Variants in PARD3 observed in about 807,000 individuals in gnomAD.
PARD3 encodes par-3 family cell polarity regulator.
In PARD3, 75 loss-of-function variants were observed where a neutral mutation model predicts 155.4. That is an observed-to-expected ratio of 0.48 (90% CI 0.40 to 0.58). The LOEUF (loss-of-function observed/expected upper bound fraction) is 0.58. Ranked by LOEUF, PARD3 falls within the 20% of genes least tolerant of loss-of-function variation. The pLI is 0.00. For synonymous variants in PARD3, 576 were observed against 610.5 expected (o/e 0.94, Z 0.83); for missense variants, 1,642 against 1,721.7 (o/e 0.95, Z 0.82).
rs59033060 is a variant in PARD3 at position 34,391,304 on chromosome 10, A to G, written c.891-7050T>C. Among the ~76,000 whole-genome samples, 85 of 152,232 alleles carry G rather than the reference A, an allele frequency of 5.6e-4. 1 individual carries two copies. The East Asian group carries it at 0.015, about 28-fold the overall frequency. ...AGACACAGTGTACTCTCTGAGCCCA[A>G]TATACAGAGAAAGGAGGAAAAAAGC... On this transcript the variant is annotated intron_variant, in intron 7 of 24. Transcript: ENST00000374788.
intron 2 of PARD3, among the ~76,000 whole-genome samples, chr10:34,528,261 A>G (rs1564812185): frequency 6.6e-6 from 1 of 152,234 alleles, no homozygotes; most frequent in African/African-American, 2.4e-5. Flanking sequence ...AGAGTTTAAA[A>G]ATTTTAAGTT....
intron 14 of PARD3, among the ~76,000 whole-genome samples, chr10:34,352,393 CG>C (rs1357598720): frequency 2.6e-5 from 4 of 152,158 alleles, no homozygotes; most frequent in African/African-American, 9.7e-5. Context: ...CCTCTGATGC[CG>C]AGCCGAGGCT....
At chr10:34,519,820 A>AATAACGTAAC (rs2082017010) in intron 2 of PARD3, among the ~76,000 whole-genome samples, 1 of 133,852 alleles carries the variant, frequency 7.5e-6, no homozygotes, top group African/African-American at 2.8e-5. Context: ...TCTCAAAATA[A>AATAACGTAAC]ATAACATAAC....
intron 22 of PARD3, among the ~76,000 whole-genome samples, chr10:34,205,451 TA>T (rs1177076985): frequency 1.3e-5 from 2 of 152,200 alleles, no homozygotes; most frequent in Non-Finnish European, 2.9e-5. Context: ...GCAGTGTTTT[TA>T]AAAAATTATT....
intron 1 of PARD3, among the ~76,000 whole-genome samples, chr10:34,805,803 C>A (rs1420021666): frequency 6.6e-6 from 1 of 151,702 alleles, no homozygotes; most frequent in African/African-American, 2.4e-5. Flanking sequence ...GGTGAAACCC[C>A]ACCTCTACTA....
intron 12 of PARD3, among the ~76,000 whole-genome samples, chr10:34,370,431 T>G (rs1213280702): frequency 5.9e-5 from 9 of 152,014 alleles, no homozygotes; most frequent in Non-Finnish European, 1.0e-4. Context: ...GACTACATGT[T>G]TTTTATTGTT....
chr10:34,555,405 T>G, intron 2 of PARD3, among the ~76,000 whole-genome samples: 1 of 152,330 alleles, frequency 6.6e-6, no homozygotes, highest in South Asian at 2.1e-4. Flanking sequence ...GAAGTTTTTC[T>G]TCTGTTTTGG....
rs144376780 is a variant in PARD3, at chr10:34,751,130, G to C, written c.121-54711C>G. Among the ~76,000 whole-genome samples the C allele has an allele frequency of 2.4e-3, 370 of 152,232 alleles. 2 individuals carry two copies. Among genetic ancestry groups the C allele is most frequent in the African/African-American group, 8.6e-3 (357 of 41,550 alleles). ...CACACTGTTGATGTGTCTCAGGGAA[G>C]CTGCTTATCTCCCATTAAGTCCATC... On this transcript the variant is annotated intron_variant, in intron 1 of 24. Coordinates refer to ENST00000374788, the MANE Select transcript of PARD3 (RefSeq NM_001184785.2).
intron 5 of PARD3, among the ~76,000 whole-genome samples, chr10:34,448,345 C>G (rs1206946613): frequency 6.7e-6 from 1 of 148,998 alleles, no homozygotes; most frequent in Non-Finnish European, 1.5e-5. Flanking sequence ...AAAAAATGAA[C>G]TCATGCTAAC....
intron 5 of PARD3, among the ~76,000 whole-genome samples, chr10:34,414,403 G>C (rs1845444287): frequency 1.3e-5 from 2 of 152,068 alleles, no homozygotes; most frequent in Non-Finnish European, 2.9e-5. Flanking sequence ...CATCCTAAAG[G>C]AACACTCAGT....
At chr10:34,561,300 G>T (rs1478115080) in intron 2 of PARD3, among the ~76,000 whole-genome samples, 10 of 152,130 alleles carry the variant, frequency 6.6e-5, no homozygotes, top group African/African-American at 2.4e-4. Context: ...AATTGTAAAG[G>T]TGAAATGATG....
At chr10:34,274,836 A>T (rs1564539277) in intron 21 of PARD3, among the ~76,000 whole-genome samples, 1 of 152,142 alleles carries the variant, frequency 6.6e-6, no homozygotes, top group African/African-American at 2.4e-5. Flanking sequence ...TTAAGAAAGA[A>T]AGCTAACAGA....
chr10:34,745,434 A>AAGAGAGAG (rs1314471106), intron 1 of PARD3, among the ~76,000 whole-genome samples: 5 of 148,708 alleles, frequency 3.4e-5, no homozygotes, highest in African/African-American at 1.3e-4. Flanking sequence ...GAGGGAGGGA[A>AAGAGAGAG]AGAGAGAGGG....
chr10:34,452,035 CTTTA>C lies in PARD3; in HGVS notation c.583-1591_583-1588del, dbSNP rs1475735560. On this transcript the variant is annotated intron_variant, in intron 4 of 24. Transcript: ENST00000374788. ...AAGGGTAGACTTGTTAATGACAGAA[CTTTA>C]TTTATTAGTGACAGAACCTTATGTG... Among the ~76,000 whole-genome samples, 11 of 151,972 alleles carry C rather than the reference CTTTA, an allele frequency of 7.2e-5. No homozygotes were observed. The East Asian group carries it at 2.1e-3, about 29-fold the overall frequency.
At position 34,400,052 on chromosome 10, in the gene PARD3, A is replaced by G. The variant is rs141639251; in HGVS notation, c.807-639T>C. On this transcript the variant is annotated intron_variant, in intron 6 of 24. Coordinates refer to ENST00000374788, the MANE Select transcript of PARD3 (RefSeq NM_001184785.2). ...CAAAGTCACTATTTCCTAAACCGCT[A>G]TAAGAGTGCTACAAGTGCAGCTTAC... Among the ~76,000 whole-genome samples, 3 of 152,342 alleles carry G rather than the reference A, an allele frequency of 2.0e-5. No homozygotes were observed. In the East Asian group the frequency reaches 5.8e-4, roughly 29 times the overall value.
rs185591865 is a variant in PARD3, at chr10:34,294,322, C to A, written c.3066-10077G>T. On this transcript the variant is annotated intron_variant, in intron 20 of 24. Coordinates refer to ENST00000374788, the MANE Select transcript of PARD3 (RefSeq NM_001184785.2). ...GATACACATACATACGTTACAGCAA[C>A]GGAAACACCTTCAAATATTTTCTTA... Among the ~76,000 whole-genome samples, 17 of 152,290 alleles carry A rather than the reference C, an allele frequency of 1.1e-4. No individual in the cohort carries two copies. In the East Asian group the frequency reaches 3.3e-3, roughly 29 times the overall value.
rs1958058703 is a variant in PARD3 at position 34,317,123 on chromosome 10, A to C, written c.3049T>G (p.Leu1017Val). 1.3e-6 allele frequency: 2 copies of C among 1,558,186 alleles called. No individual in the cohort carries two copies. Among genetic ancestry groups the C allele is most frequent in the Non-Finnish European group, 1.7e-6 (2 of 1,150,190 alleles). The change falls in exon 20 of 25, where the codon TTG becomes GTG. Residue 1017 changes from leucine (L) to valine (V), a missense_variant. Physicochemically the swap from Leu to Val is conservative, Grantham distance 32 (BLOSUM62 1). Coordinates refer to ENST00000374788, the MANE Select transcript of PARD3 (RefSeq NM_001184785.2). The part of the protein sequence containing the change: ...MKAKKGMLKG[L>V]GDMFRFGKHR... ...ACGACTTACCTGAACATGTCTCCCA[A>C]GCCCTTCAGCATTCCCTTCTTGGCT...
intron 19 of PARD3, among the ~76,000 whole-genome samples, chr10:34,323,433 AGACTGT>A (rs1483018014): frequency 6.6e-6 from 1 of 152,180 alleles, no homozygotes; most frequent in Non-Finnish European, 1.5e-5. Context: ...GATATGATGA[AGACTGT>A]GAGGAGGTAA....
chr10:34,495,739 G>A (rs575029273), intron 3 of PARD3, among the ~76,000 whole-genome samples: 124 of 151,948 alleles, frequency 8.2e-4, no homozygotes, highest in Non-Finnish European at 1.3e-3. Flanking sequence ...TTATTCAAAT[G>A]TGGGGCAACT....
Sources: allele counts gnomAD v4.1 joint callset (sites outside exome capture counted in the v4.1 genomes callset), GRCh38; gene constraint gnomAD v4.1.1; transcripts MANE v1.5; gene names NCBI Gene and HGNC (gene_info 2026-07-23, HGNC 2026-07-21).